Variants in MYH13 observed in about 807,000 individuals in gnomAD.
The protein encoded by MYH13 is myosin heavy chain 13.
A neutral mutation model predicts 232.1 loss-of-function variants in MYH13; 177 were observed. The observed-to-expected ratio is 0.76, with a 90% CI of 0.67 to 0.86. MYH13 has a LOEUF of 0.86. Ranked by LOEUF, MYH13 falls within the 40% of genes least tolerant of loss-of-function variation. The pLI is 0.00. For synonymous variants in MYH13, 884 were observed against 923.5 expected, an observed-to-expected ratio of 0.96 and a Z score of 0.78; for missense variants, 2,246 against 2,405.9, an observed-to-expected ratio of 0.93 and a Z score of 1.39.
intron 19 of MYH13, among the ~76,000 whole-genome samples, chr17:10,332,538 T>C (rs1907445825): frequency 6.6e-6 from 1 of 152,200 alleles, no homozygotes. Context: ...CCGTGACCTG[T>C]AGGCCGTGGT....
intron 35 of MYH13, among the ~76,000 whole-genome samples, chr17:10,307,685 AT>A (rs1297167094): frequency 1.3e-5 from 2 of 152,212 alleles, no homozygotes; most frequent in African/African-American, 4.8e-5. Context: ...GAGCTAGAGT[AT>A]TTGAGAATTT....
intron 8 of MYH13, among the ~76,000 whole-genome samples, chr17:10,357,090 A>T (rs2071755070): frequency 6.6e-6 from 1 of 151,974 alleles, no homozygotes; most frequent in Non-Finnish European, 1.5e-5. Context: ...CCTCCCAAGT[A>T]GCTGGGATTA....
At position 10,324,008 on chromosome 17, in the gene MYH13, T is replaced by C. The variant is rs182401070; in HGVS notation, c.2934+14A>G. 22 of 1,613,442 alleles carry C rather than the reference T, an allele frequency of 1.4e-5. No individual in the cohort carries two copies. Among genetic ancestry groups the C allele is most frequent in the Non-Finnish European group, 1.7e-6 (2 of 1,179,660 alleles). On this transcript the variant is annotated intron_variant, in intron 23 of 40. Transcript: ENST00000252172. Reference sequence around the variant, plus strand: ...CCTGTTAAGACACTGTGGGAGTCCCTTGGGTTTGCTCACCTTGTTCTCTGT... The same window carrying C: ...CCTGTTAAGACACTGTGGGAGTCCCCTGGGTTTGCTCACCTTGTTCTCTGT...
At chr17:10,327,306 C>A (rs984762252) in intron 22 of MYH13, among the ~76,000 whole-genome samples, 2 of 151,006 alleles carry the variant, frequency 1.3e-5, no homozygotes, top group African/African-American at 4.9e-5. Context: ...CGGCCGCCTG[C>A]TAGTTTTTAA....
At chr17:10,326,977 A>AG (rs1907223042) in intron 22 of MYH13, among the ~76,000 whole-genome samples, 1 of 88,932 alleles carries the variant, frequency 1.1e-5, no homozygotes. Context: ...CACCATGCCT[A>AG]CTAGTTTTTT....
intron 2 of MYH13, among the ~76,000 whole-genome samples, chr17:10,367,340 A>T (rs2142152482): frequency 6.6e-6 from 1 of 152,332 alleles, no homozygotes; most frequent in South Asian, 2.1e-4. Flanking sequence ...TTACATTAAC[A>T]TAAACATTTT....
intron 5 of MYH13, among the ~76,000 whole-genome samples, chr17:10,361,727 TG>T (rs1269282165): frequency 6.6e-6 from 1 of 152,092 alleles, no homozygotes; most frequent in African/African-American, 2.4e-5. Flanking sequence ...TTAAAGGAGG[TG>T]AAGGGGAGCC....
chr17:10,311,000 C>T (rs1906490354), intron 33 of MYH13, 103 bp downstream of exon 33: 2 of 1,458,944 alleles, frequency 1.4e-6, no homozygotes, highest in Non-Finnish European at 1.9e-6. Flanking sequence ...CCAATGGAGA[C>T]TCAGGGTCTC....
intron 12 of MYH13, among the ~76,000 whole-genome samples, chr17:10,348,587 GCA>G (rs1212548261): frequency 6.6e-6 from 1 of 152,130 alleles, no homozygotes; most frequent in East Asian, 1.9e-4. Flanking sequence ...CCTAAGCACT[GCA>G]CACACACAGC....
At chr17:10,332,050 C>T (rs1567664238) in intron 20 of MYH13, 49 bp downstream of exon 20, 2 of 1,609,712 alleles carry the variant, frequency 1.2e-6, no homozygotes, top group East Asian at 4.5e-5. Context: ...TAAGAAGCAG[C>T]CCAGGGCTGT....
chr17:10,367,155 C>G (rs960620662), intron 2 of MYH13, among the ~76,000 whole-genome samples: 3 of 152,156 alleles, frequency 2.0e-5, no homozygotes, highest in African/African-American at 7.2e-5. Flanking sequence ...GCTACAGCAG[C>G]GGTTCTCAAA....
In MYH13 at chr17:10,345,259, C is replaced by T. The variant is rs771612639; in HGVS notation, c.1527G>A (p.Glu509=). ...EQEEYKKEGI[E]WEFIDFGMDL... ...CCATTCCGAAGTCAATGAACTCCCA[C>T]TCGATGCCTTCCTTCTTGTACTCTT... The change falls in exon 15 of 41, where the codon GAG becomes GAA. Residue 509 remains glutamate (E), a synonymous_variant. Transcript: ENST00000252172. 3.1e-6 allele frequency: 5 copies of T among 1,614,166 alleles called. No homozygotes were observed. In the East Asian group the frequency reaches 8.9e-5, roughly 29 times the overall value.
intron 18 of MYH13, 105 bp from the exon 19 acceptor site, chr17:10,333,296 G>C: frequency 5.0e-6 from 4 of 796,726 alleles, no homozygotes; most frequent in Non-Finnish European, 8.3e-6. Flanking sequence ...GAGTGGGAGA[G>C]TCAGTGAGTG....
intron 18 of MYH13, among the ~76,000 whole-genome samples, chr17:10,338,056 A>G (rs1386960988): frequency 6.6e-6 from 1 of 152,166 alleles, no homozygotes; most frequent in Non-Finnish European, 1.5e-5. Flanking sequence ...TGTCTCAAAA[A>G]AGAAAAAAAA....
intron 18 of MYH13, among the ~76,000 whole-genome samples, chr17:10,336,313 A>G (rs2071574831): frequency 6.6e-6 from 1 of 151,990 alleles, no homozygotes; most frequent in African/African-American, 2.4e-5. Context: ...AATTCCCCTG[A>G]GCTATTCTCT....
intron 13 of MYH13, among the ~76,000 whole-genome samples, 196 bp from the exon 14 acceptor site, chr17:10,345,812 G>A (rs1482047951): frequency 3.3e-5 from 5 of 151,962 alleles, no homozygotes; most frequent in Admixed American, 3.3e-4. Flanking sequence ...GGCCAACATG[G>A]TGAAACCCCG....
chr17:10,344,127 G>C lies in MYH13; in HGVS notation c.1585-18C>G. On this transcript the variant is annotated intron_variant, in intron 15 of 40. Transcript: ENST00000252172. ...CCCATAGGCTGGAAAGAGGATAACA[G>C]AGTCTACATATAATAGTGCATACCC... is the stretch of plus-strand genomic sequence containing the variant. 6.2e-7 allele frequency: 1 copy of C among 1,612,842 alleles called. No individual in the cohort carries two copies.
At position 10,301,717 on chromosome 17, in the gene MYH13, AG is replaced by A; in HGVS notation, c.5668-15del. ...GGCCTGCTCCTCCTGCACAGGAGAC[AG>A]AGGGGGTATGACGCTGTAGAGCCTC... On this transcript the variant is annotated splice_polypyrimidine_tract_variant and intron_variant, in intron 39 of 40. Coordinates refer to ENST00000252172, the MANE Select transcript of MYH13 (RefSeq NM_003802.3). 6.2e-7 allele frequency: 1 copy of A among 1,612,460 alleles called. No individual in the cohort carries two copies. The highest frequency in any genetic ancestry group is 8.5e-7 in the Non-Finnish European group (1 of 1,179,798).
At chr17:10,318,248 C>A (rs966222510) in intron 27 of MYH13, among the ~76,000 whole-genome samples, 32 of 152,184 alleles carry the variant, frequency 2.1e-4, no homozygotes, top group Admixed American at 2.1e-3. Flanking sequence ...GGTGCCAGAT[C>A]ATCCAATTGT....
Sources: gnomAD v4.1 joint callset for allele counts (sites outside exome capture counted in the v4.1 genomes callset) on GRCh38, gnomAD v4.1.1 for gene constraint, MANE v1.5 for transcripts, NCBI Gene and HGNC (gene_info 2026-07-23, HGNC 2026-07-21) for gene names.